KMT2C: variants seen among roughly 807,000 people sequenced by gnomAD.
The protein encoded by KMT2C is lysine methyltransferase 2C.
Under a neutral mutation model 507.9 loss-of-function variants are expected in KMT2C, and 88 were observed. That is an observed-to-expected ratio of 0.17 (90% CI 0.15 to 0.21). The LOEUF is 0.21. Ranked by LOEUF, KMT2C falls within the 10% of genes least tolerant of loss-of-function variation. The probability of loss-of-function intolerance (pLI) is 1.00; values close to 1 mark genes in which losing one functional copy is unlikely to be tolerated. For synonymous variants in KMT2C, 2,049 were observed against 2,080.8 expected (o/e 0.98, Z 0.42); for missense variants, 4,954 against 5,957.8 (o/e 0.83, Z 5.55).
At chr7:152,208,018 T>C (rs975802562) in intron 23 of KMT2C, among the ~76,000 whole-genome samples, 3 of 152,192 alleles carry the variant, frequency 2.0e-5, no homozygotes, top group Admixed American at 6.5e-5. Context: ...TAGTCCAACC[T>C]CAGATGACTC....
chr7:152,148,204 G>C lies in KMT2C; in HGVS notation c.13723C>G (p.Leu4575Val). ...CTGGCTTCATAGCCCACAGGGAAGA[G>C]TGCTTTAGGAGAATGGAATGCTTGC... ...QMQAFHSPKA[L>V]FPVGYEASRL... Residue 4575 changes from leucine (L) to valine (V), a missense_variant, in exon 52 of 59, where the codon CTC becomes GTC. Leu to Val is a conservative substitution (Grantham distance 32). This residue lies in a region of KMT2C where 221 missense variants were observed against 304.7 expected (regional missense o/e 0.73). Coordinates refer to ENST00000262189, the MANE Select transcript of KMT2C (RefSeq NM_170606.3). This position sits in a 1 kb window ranked among gnomAD's most constrained non-coding sequence, Gnocchi z 7.1. 1.9e-6 allele frequency: 3 copies of C among 1,614,254 alleles called. No homozygotes were observed. Among genetic ancestry groups the C allele is most frequent in the Non-Finnish European group, 2.5e-6 (3 of 1,180,028 alleles).
Position 152,187,121 on chromosome 7 carries a change from T to C in KMT2C, c.5008+141A>G, listed in dbSNP as rs1588049432. 3.2e-5 allele frequency: 21 copies of C among 656,526 alleles called. No homozygotes were observed. In the East Asian group the frequency reaches 5.6e-4, roughly 18 times the overall value. The allele number at this position is 656,526 out of a possible 1,614,324, so 40.7% of individuals were successfully genotyped here. ...GACAAAGTAAAATGCAAGATGTTTC[T>C]AGACATCTAGGGAATCTTCATGTTG... is the stretch of plus-strand genomic sequence containing the variant. On this transcript the variant is annotated intron_variant, in intron 33 of 58. Coordinates refer to ENST00000262189, the MANE Select transcript of KMT2C (RefSeq NM_170606.3).
At chr7:152,388,762 T>TA (rs1554701401) in intron 1 of KMT2C, among the ~76,000 whole-genome samples, 2 of 140,870 alleles carry the variant, frequency 1.4e-5, no homozygotes, top group African/African-American at 2.6e-5. Flanking sequence ...TTTTTTTTTT[T>TA]CCTGGGATGG....
intron 1 of KMT2C, among the ~76,000 whole-genome samples, chr7:152,372,543 G>C (rs1249954468): frequency 6.6e-6 from 1 of 152,132 alleles, no homozygotes; most frequent in Non-Finnish European, 1.5e-5. Context: ...AAAGTGAAGA[G>C]ATGGAAAAAG....
chr7:152,292,149 T>C (rs2096437191), intron 6 of KMT2C, among the ~76,000 whole-genome samples: 1 of 152,226 alleles, frequency 6.6e-6, no homozygotes, highest in African/African-American at 2.4e-5. Context: ...GCCATAGTCT[T>C]CTAGCATAAT....
intron 2 of KMT2C, among the ~76,000 whole-genome samples, chr7:152,339,807 T>C (rs1194542104): frequency 6.6e-6 from 1 of 152,164 alleles, no homozygotes; most frequent in African/African-American, 2.4e-5. Context: ...GCTTAATTAA[T>C]ATTATATAAT....
intron 3 of KMT2C, among the ~76,000 whole-genome samples, chr7:152,323,057 G>T (rs901823844): frequency 2.1e-5 from 3 of 141,036 alleles, no homozygotes; most frequent in Non-Finnish European, 4.4e-5. Flanking sequence ...GAAAAAATGG[G>T]AGTCCTGTAC....
chr7:152,299,907 T>C (rs562415813), intron 6 of KMT2C, among the ~76,000 whole-genome samples: 285 of 152,230 alleles, frequency 1.9e-3, no homozygotes, highest in African/African-American at 6.6e-3. Flanking sequence ...ATATACACCA[T>C]GCTTACGCTA....
chr7:152,350,259 T>C lies in KMT2C; in HGVS notation c.250+8328A>G, dbSNP rs189200179. Among the ~76,000 whole-genome samples, 509 of 151,478 alleles carry C rather than the reference T, an allele frequency of 3.4e-3. 5 individuals carry two copies. The highest frequency in any genetic ancestry group is 0.012 in the African/African-American group (486 of 40,870). Reference sequence around the variant, plus strand: ...GAGTGAAACTCTGTCTCAAAAAAAATAAATAAATAAAATAAAGTCTATTTT... The same window carrying C: ...GAGTGAAACTCTGTCTCAAAAAAAACAAATAAATAAAATAAAGTCTATTTT... On this transcript the variant is annotated intron_variant, in intron 2 of 58. Transcript: ENST00000262189.
intron 1 of KMT2C, chr7:152,367,606 A>G: frequency 7.5e-7 from 1 of 1,329,236 alleles, no homozygotes; most frequent in Admixed American, 1.7e-5. Context: ...TCCTTCTCAT[A>G]GAATTAAAAA....
chr7:152,189,629 T>TACTA (rs2093730844), intron 31 of KMT2C, among the ~76,000 whole-genome samples: 1 of 152,202 alleles, frequency 6.6e-6, no homozygotes, highest in Non-Finnish European at 1.5e-5. Flanking sequence ...TATGTGCAGA[T>TACTA]ACTAAGGATG....
rs555101799 is a variant in KMT2C at position 152,297,223 on chromosome 7, A to C, written c.849+12743T>G. Reference sequence around the variant, plus strand: ...CCTACATATGCCCCAGCACACAACGATAAGAGTTTCCAGGCCATGGCATAG... The same window carrying C: ...CCTACATATGCCCCAGCACACAACGCTAAGAGTTTCCAGGCCATGGCATAG... On this transcript the variant is annotated intron_variant, in intron 6 of 58. Transcript: ENST00000262189. Among the ~76,000 whole-genome samples the C allele has an allele frequency of 4.6e-5, 7 of 152,280 alleles. No homozygotes were observed. The East Asian group carries it at 1.4e-3, about 29-fold the overall frequency.
chr7:152,212,932 C>T (rs1419192686), intron 23 of KMT2C, among the ~76,000 whole-genome samples: 1 of 152,192 alleles, frequency 6.6e-6, no homozygotes. Flanking sequence ...GTAATCCCAG[C>T]TACTTGGGGG....
At chr7:152,149,471 A>G (rs575659865) in intron 51 of KMT2C, among the ~76,000 whole-genome samples, 18 of 152,366 alleles carry the variant, frequency 1.2e-4, no homozygotes, top group African/African-American at 4.1e-4. Flanking sequence ...AAAACCAGAA[A>G]AAGAAAAAAC....
chr7:152,249,818 G>C (rs1334508310), intron 13 of KMT2C, 58 bp downstream of exon 13: 2 of 1,056,010 alleles, frequency 1.9e-6, no homozygotes, highest in Non-Finnish European at 2.9e-6. Flanking sequence ...AATGTCTTTG[G>C]GATAAAGACA....
intron 4 of KMT2C, 46 bp downstream of exon 4, chr7:152,315,092 T>C (rs1453582617): frequency 7.1e-7 from 1 of 1,404,994 alleles, no homozygotes; most frequent in Non-Finnish European, 1.0e-6. Context: ...AAATAAATTA[T>C]ATGCAGTCTT....
rs187823909 is a variant in KMT2C, at chr7:152,346,865, A to G, written c.250+11722T>C. Reference sequence around the variant, plus strand: ...ATCATGGCCAGGCACAGTGGCTCACACCTGTAATCCCAGCACTCTGGGAGG... The same window carrying G: ...ATCATGGCCAGGCACAGTGGCTCACGCCTGTAATCCCAGCACTCTGGGAGG... On this transcript the variant is annotated intron_variant, in intron 2 of 58. Coordinates refer to ENST00000262189, the MANE Select transcript of KMT2C (RefSeq NM_170606.3). 1.8e-3 allele frequency among the ~76,000 whole-genome samples: 276 copies of G among 152,286 alleles called. 1 individual carries two copies. The highest frequency in any genetic ancestry group is 3.4e-3 in the Middle Eastern group (1 of 294).
At position 152,180,921 on chromosome 7, in the gene KMT2C, A is replaced by C. The variant is rs769592355; in HGVS notation, c.6939T>G (p.Phe2313Leu). The C allele has an allele frequency of 6.2e-7, 1 of 1,614,072 alleles. No individual in the cohort carries two copies. Among genetic ancestry groups the C allele is most frequent in the African/African-American group, 1.3e-5 (1 of 74,912 alleles). The part of the protein sequence containing the change: ...PMTPRSQSDS[F>L]GTSQTAHDVA... ...CATCATGGGCAGTTTGACTTGTTCC[A>C]AAAGAGTCAGACTGAGATCTTGGAG... The change falls in exon 36 of 59, where the codon TTT becomes TTG. Residue 2313 changes from phenylalanine (F) to leucine (L), a missense_variant. Physicochemically the swap from Phe to Leu is conservative, Grantham distance 22. Around this residue, in one of 29 missense-constraint regions of KMT2C, gnomAD observed 1,689 missense variants for 1,654.3 expected, o/e 1.02. Coordinates refer to ENST00000262189, the MANE Select transcript of KMT2C (RefSeq NM_170606.3).
chr7:152,275,321 G>C (rs1292662622), intron 6 of KMT2C, among the ~76,000 whole-genome samples: 2 of 152,152 alleles, frequency 1.3e-5, no homozygotes, highest in East Asian at 3.8e-4. Context: ...AAGGCGGGTG[G>C]ATCACGAGGT....
Sources: allele counts gnomAD v4.1 joint callset (sites outside exome capture counted in the v4.1 genomes callset), GRCh38; gene constraint gnomAD v4.1.1; regional missense constraint gnomAD v4.1.1; non-coding constraint Gnocchi (gnomAD v3.1); transcripts MANE v1.5; gene names NCBI Gene and HGNC (gene_info 2026-07-23, HGNC 2026-07-21).